Variants in C16orf96 observed in about 807,000 individuals in gnomAD.
The protein encoded by C16orf96 is chromosome 16 open reading frame 96, also known as uncharacterized protein C16orf96.
In C16orf96, 108 loss-of-function variants were observed where a neutral mutation model predicts 103.6. The ratio of observed to expected loss-of-function variants is 1.04; its 90% confidence interval spans 0.89 to 1.22. C16orf96 has a LOEUF of 1.22. C16orf96 is among the 50% of genes most tolerant of loss of function. C16orf96 has a pLI of 0.00. For missense variants in C16orf96, 1,586 were observed against 1,464.2 expected (o/e 1.08, Z -1.36); for synonymous variants, 566 against 593.5 (o/e 0.95, Z 0.67).
chr16:4,582,139 G>A (rs367639012), intron 7 of C16orf96, among the ~76,000 whole-genome samples: 55 of 152,000 alleles, frequency 3.6e-4, no homozygotes, highest in Non-Finnish European at 6.6e-4. Flanking sequence ...AAAATTAGCC[G>A]GGCATGGTGG....
upstream of C16orf96, among the ~76,000 whole-genome samples, chr16:4,555,238 G>C (rs2059251278): frequency 6.6e-6 from 1 of 150,892 alleles, no homozygotes. Context: ...ACTCCTGCCT[G>C]GGTAACAGAG....
At position 4,556,647 on chromosome 16, in the gene C16orf96, T is replaced by G. The variant is rs2059265983; in HGVS notation, c.158T>G (p.Leu53Arg). The change falls in exon 1 of 16, where the codon CTG (leucine) becomes CGG (arginine). Residue 53 changes from leucine (L) to arginine (R), a missense_variant. Physicochemically the swap from Leu to Arg is moderately radical, Grantham distance 102 (BLOSUM62 -2). Transcript: ENST00000444310. The part of the protein sequence containing the change: ...KKVLSGDEDF[L>R]QTSQVVIMPR... ...GTCCTCTCAGGCGATGAGGACTTCCTGCAGACCTCGCAGGTGGTCATCATG... is the reference window on the plus strand; with the variant it reads ...GTCCTCTCAGGCGATGAGGACTTCCGGCAGACCTCGCAGGTGGTCATCATG... The G allele has an allele frequency of 6.4e-7, 1 of 1,551,720 alleles. No homozygotes were observed. Among genetic ancestry groups the G allele is most frequent in the Non-Finnish European group, 8.7e-7 (1 of 1,146,952 alleles).
chr16:4,544,342 A>C, the C16orf96 span, among the ~76,000 whole-genome samples: 3 of 152,148 alleles, frequency 2.0e-5, no homozygotes, highest in Non-Finnish European at 4.4e-5. Context: ...GCAATGGCTC[A>C]CTCATGTAAT....
intron 9 of C16orf96, among the ~76,000 whole-genome samples, chr16:4,590,893 T>C (rs1596536933): frequency 6.7e-6 from 1 of 148,570 alleles, no homozygotes; most frequent in South Asian, 2.1e-4. Flanking sequence ...TTAGTCGGGT[T>C]TGGGGGCACA....
At chr16:4,574,907 T>C (rs1411181898) in intron 3 of C16orf96, 65 bp from the exon 4 acceptor site, 5 of 1,530,136 alleles carry the variant, frequency 3.3e-6, no homozygotes, top group Admixed American at 2.0e-5. Flanking sequence ...AAGGTTTCTT[T>C]GCAGGTGTGG....
intron 15 of C16orf96, 58 bp from the exon 16 acceptor site, chr16:4,600,042 T>C: frequency 6.9e-7 from 1 of 1,456,458 alleles, no homozygotes; most frequent in Non-Finnish European, 9.4e-7. Flanking sequence ...CCCATCAGGC[T>C]AGTGTCTCCC....
chr16:4,545,467 C>T, the C16orf96 span, among the ~76,000 whole-genome samples: 1 of 152,226 alleles, frequency 6.6e-6, no homozygotes, highest in East Asian at 1.9e-4. Flanking sequence ...GCTGGGATTA[C>T]AGGCGTGAGC....
intron 14 of C16orf96, among the ~76,000 whole-genome samples, chr16:4,596,178 C>A (rs1003623533): frequency 6.6e-6 from 1 of 152,112 alleles, no homozygotes; most frequent in South Asian, 2.1e-4. Context: ...CCTTCATTCC[C>A]CGGCCCATGT....
At chr16:4,566,482 T>C (rs1388709493) in intron 1 of C16orf96, among the ~76,000 whole-genome samples, 1 of 152,238 alleles carries the variant, frequency 6.6e-6, no homozygotes, top group Non-Finnish European at 1.5e-5. Context: ...CACATCATCT[T>C]TGGAGAAATG....
chr16:4,578,637 A>G (rs912614256), intron 5 of C16orf96, among the ~76,000 whole-genome samples: 2 of 152,024 alleles, frequency 1.3e-5, no homozygotes, highest in African/African-American at 4.8e-5. Context: ...GTGTGCCTGT[A>G]ATCCCAGGTA....
In C16orf96 at chr16:4,578,842, T is replaced by C. The variant is rs2059546076; in HGVS notation, c.2156-98T>C. On this transcript the variant is annotated intron_variant, in intron 5 of 15. Coordinates refer to ENST00000444310, the MANE Select transcript of C16orf96 (RefSeq NM_001145011.2). ...GGCCCAGTGCATTTCCACTGGGCAG[T>C]GCTGCCTGAGATGCTCCATAAGAGA... is the stretch of plus-strand genomic sequence containing the variant. 1.3e-5 allele frequency: 11 copies of C among 821,348 alleles called. No individual in the cohort carries two copies. In the South Asian group the frequency reaches 1.6e-4, roughly 12 times the overall value. 50.9% of individuals were successfully genotyped at this position (821,348 alleles called of 1,614,324 possible). A position where few individuals can be genotyped will look rare whatever the true frequency, so the allele number is the denominator to read the frequency against.
intron 1 of C16orf96, 77 bp downstream of exon 1, chr16:4,556,986 T>A: frequency 7.0e-7 from 1 of 1,422,686 alleles, no homozygotes; most frequent in Non-Finnish European, 9.3e-7. Flanking sequence ...TTTTTTGTTT[T>A]TGAGACTCCG....
Position 4,587,029 on chromosome 16 carries a change from C to T in C16orf96, c.2353-10C>T, listed in dbSNP as rs1896942837. Reference sequence around the variant, plus strand: ...CAGGATGGCAGACATGCCTGTGCTTCTGTTCTTAGACTCTCCAGGCTCAAA... The same window carrying T: ...CAGGATGGCAGACATGCCTGTGCTTTTGTTCTTAGACTCTCCAGGCTCAAA... On this transcript the variant is annotated splice_polypyrimidine_tract_variant and intron_variant, in intron 7 of 15. Coordinates refer to ENST00000444310, the MANE Select transcript of C16orf96 (RefSeq NM_001145011.2). 3 of 1,550,946 alleles carry T rather than the reference C, an allele frequency of 1.9e-6. No homozygotes were observed. Among genetic ancestry groups the T allele is most frequent in the African/African-American group, 1.4e-5 (1 of 73,038 alleles).
the C16orf96 span, among the ~76,000 whole-genome samples, chr16:4,547,780 T>C: frequency 1.3e-5 from 2 of 149,090 alleles, no homozygotes; most frequent in Admixed American, 6.8e-5. Context: ...TCTCTCTCAT[T>C]CTCTCTTTCC....
chr16:4,597,477 G>A (rs1032681208), intron 14 of C16orf96, among the ~76,000 whole-genome samples: 1 of 152,086 alleles, frequency 6.6e-6, no homozygotes, highest in Non-Finnish European at 1.5e-5. Flanking sequence ...CTAGAGGGAG[G>A]GGCTTTCCCC....
chr16:4,547,684 C>G, the C16orf96 span, among the ~76,000 whole-genome samples: 25 of 51,930 alleles, frequency 4.8e-4, no homozygotes, highest in South Asian at 1.3e-3. Flanking sequence ...TTCCTTCCTT[C>G]CTTCCTTCTT....
At chr16:4,564,292 A>ATTGG (rs2059364413) in intron 1 of C16orf96, among the ~76,000 whole-genome samples, 1 of 152,120 alleles carries the variant, frequency 6.6e-6, no homozygotes, top group Admixed American at 6.6e-5. Flanking sequence ...GTTCTTGGCC[A>ATTGG]TTGTCAGACT....
Position 4,594,766 on chromosome 16 carries a change from TG to T in C16orf96, c.3094del (p.Ala1032LeufsTer13). 2.6e-6 allele frequency: 4 copies of T among 1,550,832 alleles called. No individual in the cohort carries two copies. The highest frequency in any genetic ancestry group is 3.5e-6 in the Non-Finnish European group (4 of 1,146,884). The part of the protein sequence containing the change: ...LYKGRVNSQR[G>X]AQPLAVAKEL... ...ACAAAGGCCGCGTGAACAGCCAGCG[TG>T]GGGCTCAGCCCTTGGCCGTCGCAAA... On this transcript the variant is annotated frameshift_variant, in exon 14 of 16. Transcript: ENST00000444310. LOFTEE classifies it high-confidence loss of function.
the C16orf96 span, among the ~76,000 whole-genome samples, chr16:4,550,031 C>G: frequency 3.3e-5 from 5 of 151,926 alleles, no homozygotes; most frequent in African/African-American, 1.2e-4. Context: ...CATGTACTCA[C>G]TTTGCCTGTT....
Sources: gnomAD v4.1 joint callset for allele counts (sites outside exome capture counted in the v4.1 genomes callset) on GRCh38, gnomAD v4.1.1 for gene constraint, MANE v1.5 for transcripts, NCBI Gene and HGNC (gene_info 2026-07-23, HGNC 2026-07-21) for gene names.